Variants in MKX observed in about 807,000 individuals in gnomAD.
The protein encoded by MKX is mohawk homeobox.
Under a neutral mutation model 36.0 loss-of-function variants are expected in MKX, and 13 were observed. That is an observed-to-expected ratio of 0.36 (90% CI 0.24 to 0.57). The LOEUF is 0.57. Among genes scored for constraint, MKX ranks in the 20% least tolerant of loss-of-function variants. The pLI, the probability that MKX is intolerant of heterozygous loss-of-function variation, is 0.79. For synonymous variants in MKX, 176 were observed against 178.3 expected (o/e 0.99, Z 0.10); for missense variants, 458 against 456.4 (o/e 1.00, Z -0.03).
At chr10:27,724,128 A>G (rs1678288668) in intron 5 of MKX, among the ~76,000 whole-genome samples, 1 of 152,192 alleles carries the variant, frequency 6.6e-6, no homozygotes, top group African/African-American at 2.4e-5. Context: ...ATGAAAACTG[A>G]TCAAAATTTT....
In MKX at chr10:27,741,704, G is replaced by C. The variant is rs1834902674; in HGVS notation, c.189-200C>G. On this transcript the variant is annotated intron_variant, in intron 2 of 6. Transcript: ENST00000419761. The surrounding 1 kb of genome is among the most constrained non-coding windows in gnomAD (Gnocchi z 5.1). Reference sequence around the variant, plus strand: ...TCTGGATGGGGAGATCATTTCGATAGGTTTATCTTGAATAGGGGGATACCT... The same window carrying C: ...TCTGGATGGGGAGATCATTTCGATACGTTTATCTTGAATAGGGGGATACCT... Among the ~76,000 whole-genome samples the C allele has an allele frequency of 6.6e-6, 1 of 152,236 alleles. No individual in the cohort carries two copies.
At chr10:27,722,114 T>A (rs1423672758) in intron 5 of MKX, among the ~76,000 whole-genome samples, 1 of 152,144 alleles carries the variant, frequency 6.6e-6, no homozygotes, top group Admixed American at 6.5e-5. Flanking sequence ...AAATATAGCA[T>A]ACTTCTATAA....
At chr10:27,734,917 T>C (rs1351311763) in intron 4 of MKX, 126 bp from the exon 5 acceptor site, 13 of 576,266 alleles carry the variant, frequency 2.3e-5, no homozygotes, top group Non-Finnish European at 2.9e-5. Flanking sequence ...TTATCTTTGA[T>C]AGTCAAGATC....
chr10:27,733,500 T>C (rs1564365344), intron 5 of MKX, among the ~76,000 whole-genome samples: 2 of 152,244 alleles, frequency 1.3e-5, no homozygotes, highest in Non-Finnish European at 2.9e-5. Context: ...ATGTTCTTCC[T>C]ATCTCTTGTG....
Position 27,734,630 on chromosome 10 carries a change from A to G in MKX, c.664T>C (p.Leu222=), listed in dbSNP as rs760108159. 10 of 1,614,096 alleles carry G rather than the reference A, an allele frequency of 6.2e-6. No individual in the cohort carries two copies. ...YVAPPKYKSS[L]LNRYLNDSLR... ...GAGTCATTAAGGTAACGGTTCAACA[A>G]GCTGCTCTTGTATTTGGGGGGTGCC... Residue 222 remains leucine, a synonymous_variant, in exon 5 of 7, where the codon TTG becomes CTG. Transcript: ENST00000419761.
At chr10:27,729,948 C>T (rs1225460913) in intron 5 of MKX, among the ~76,000 whole-genome samples, 1 of 151,820 alleles carries the variant, frequency 6.6e-6, no homozygotes, top group African/African-American at 2.4e-5. Context: ...ATCCTGGCAC[C>T]ACAGAGAGCA....
At chr10:27,682,880 G>A (rs1836279647) in intron 5 of MKX, among the ~76,000 whole-genome samples, 1 of 152,008 alleles carries the variant, frequency 6.6e-6, no homozygotes, top group Non-Finnish European at 1.5e-5. Flanking sequence ...TTGGGAGGCT[G>A]AGGCAAGAGA....
In MKX at chr10:27,742,533, C is replaced by T. The variant is rs919140768; in HGVS notation, c.188+695G>A. On this transcript the variant is annotated intron_variant, in intron 2 of 6. Coordinates refer to ENST00000419761, the MANE Select transcript of MKX (RefSeq NM_173576.3). This position sits in a 1 kb window ranked among gnomAD's most constrained non-coding sequence, Gnocchi z 4.2. ...ACGGCCGCCCCTCCCCGGCGGGGCG[C>T]CCGGGGAGCCGCCGGATCGGGCCAG... 1.3e-5 allele frequency among the ~76,000 whole-genome samples: 2 copies of T among 152,034 alleles called. No individual in the cohort carries two copies. Among genetic ancestry groups the T allele is most frequent in the Non-Finnish European group, 2.9e-5 (2 of 67,950 alleles).
intron 5 of MKX, among the ~76,000 whole-genome samples, chr10:27,706,553 G>GTGTA (rs934475580): frequency 2.1e-4 from 32 of 151,178 alleles, no homozygotes; most frequent in African/African-American, 6.1e-4. Flanking sequence ...TCCTGTGTGT[G>GTGTA]TGTGTGTGTG....
At chr10:27,728,461 A>T (rs1027007671) in intron 5 of MKX, among the ~76,000 whole-genome samples, 6 of 152,250 alleles carry the variant, frequency 3.9e-5, no homozygotes, top group Non-Finnish European at 8.8e-5. Flanking sequence ...TCGTTTAAAT[A>T]TGGTTTCATG....
At position 27,735,268 on chromosome 10, in the gene MKX, C is replaced by T; in HGVS notation, c.455G>A (p.Gly152Asp). ...GCTTACGCTAAGCCGTTCAGCATTGCCTTGAACATACTTGTTGTATAACTT... is the reference window on the plus strand; with the variant it reads ...GCTTACGCTAAGCCGTTCAGCATTGTCTTGAACATACTTGTTGTATAACTT... The part of the protein sequence containing the change: ...RIKLYNKYVQ[G>D]NAERLSVSSD... The change falls in exon 4 of 7, where the codon GGC becomes GAC. Residue 152 changes from glycine to aspartate, a missense_variant. By Grantham distance (94) the Gly-to-Asp change is moderately conservative. This residue lies in a region of MKX where 297 missense variants were observed against 304.4 expected (regional missense o/e 0.98). Coordinates refer to ENST00000419761, the MANE Select transcript of MKX (RefSeq NM_173576.3). The T allele has an allele frequency of 6.2e-7, 1 of 1,613,366 alleles. No homozygotes were observed. The highest frequency in any genetic ancestry group is 1.1e-5 in the South Asian group (1 of 90,954).
intron 5 of MKX, chr10:27,718,432 G>A (rs552284909): frequency 1.1e-4 from 23 of 204,160 alleles, no homozygotes; most frequent in Non-Finnish European, 2.3e-4. Context: ...AATAACCCAA[G>A]TACAAAAGGG....
At chr10:27,722,229 C>T (rs1471052688) in intron 5 of MKX, among the ~76,000 whole-genome samples, 1 of 152,170 alleles carries the variant, frequency 6.6e-6, no homozygotes, top group Non-Finnish European at 1.5e-5. Flanking sequence ...TGGTCAGAGC[C>T]CAACACCCCC....
chr10:27,699,113 T>C (rs1290397334), intron 5 of MKX, among the ~76,000 whole-genome samples: 3 of 152,266 alleles, frequency 2.0e-5, no homozygotes. Flanking sequence ...AAAGTAATAG[T>C]TTCCTTAAGC....
chr10:27,721,657 A>G (rs2132615476), intron 5 of MKX, among the ~76,000 whole-genome samples: 1 of 152,224 alleles, frequency 6.6e-6, no homozygotes, highest in Non-Finnish European at 1.5e-5. Flanking sequence ...AGCATCAGGA[A>G]AAATAGCTAA....
chr10:27,733,415 A>G (rs912015256), intron 5 of MKX, among the ~76,000 whole-genome samples: 4 of 152,204 alleles, frequency 2.6e-5, no homozygotes, highest in African/African-American at 9.6e-5. Context: ...AGTTTATATC[A>G]TAGGGCCTAG....
intron 5 of MKX, chr10:27,718,482 T>A (rs1331508821): frequency 3.2e-6 from 1 of 313,930 alleles, no homozygotes; most frequent in African/African-American, 2.2e-5. Context: ...TAATTTTCCA[T>A]TAATCAATAA....
chr10:27,744,507 C>T lies in MKX; in HGVS notation c.-82-1010G>A, dbSNP rs971424241. 3.3e-5 allele frequency among the ~76,000 whole-genome samples: 5 copies of T among 152,102 alleles called. No homozygotes were observed. Among genetic ancestry groups the T allele is most frequent in the Non-Finnish European group, 7.4e-5 (5 of 68,016 alleles). On this transcript the variant is annotated intron_variant, in intron 1 of 6. Transcript: ENST00000419761. The surrounding 1 kb of genome is among the most constrained non-coding windows in gnomAD (Gnocchi z 5.6). Reference sequence around the variant, plus strand: ...TGAGCCTCTGCCTGCCGCGCACCGGCGTCAGGAGCAAGTCCGCGCGGCCGC... The same window carrying T: ...TGAGCCTCTGCCTGCCGCGCACCGGTGTCAGGAGCAAGTCCGCGCGGCCGC...
At chr10:27,686,156 G>A (rs1836343863) in intron 5 of MKX, among the ~76,000 whole-genome samples, 1 of 152,210 alleles carries the variant, frequency 6.6e-6, no homozygotes, top group Admixed American at 6.5e-5. Flanking sequence ...CTGGAGATAG[G>A]AGAGCTTTGG....
Sources: allele counts gnomAD v4.1 joint callset (sites outside exome capture counted in the v4.1 genomes callset), GRCh38; gene constraint gnomAD v4.1.1; regional missense constraint gnomAD v4.1.1; non-coding constraint Gnocchi (gnomAD v3.1); transcripts MANE v1.5; gene names NCBI Gene and HGNC (gene_info 2026-07-23, HGNC 2026-07-21).